The following SRPX variants were observed in gnomAD, a reference collection of about 807,000 sequenced individuals.
SRPX encodes sushi repeat containing protein X-linked.
In SRPX, 24 loss-of-function variants were observed where a neutral mutation model predicts 38.1. That is an observed-to-expected ratio of 0.63 (90% CI 0.46 to 0.89). The LOEUF is 0.89. SRPX is among the 40% of genes least tolerant of loss of function. The probability of loss-of-function intolerance (pLI) is 0.00; values close to 1 mark genes in which losing one functional copy is unlikely to be tolerated. For synonymous variants in SRPX, 184 were observed against 153.8 expected (o/e 1.20, Z -1.45); for missense variants, 416 against 377.8 (o/e 1.10, Z -0.84).
chrX:38,170,776 A>G (rs929381327), intron 4 of SRPX, among the ~76,000 whole-genome samples: 1 of 112,132 alleles, frequency 8.9e-6, no homozygotes, highest in African/African-American at 3.2e-5. Flanking sequence ...TTTAAACAGT[A>G]TGATCCCTAG....
chrX:38,171,029 CA>C (rs58720100), intron 4 of SRPX, among the ~76,000 whole-genome samples: 1 of 108,267 alleles, frequency 9.2e-6, no homozygotes, highest in African/African-American at 3.4e-5. Flanking sequence ...ATCCTGCAAA[CA>C]AAAAAAACAG....
At chrX:38,160,901 G>T in intron 6 of SRPX, 32 bp downstream of exon 6, 1 of 1,201,027 alleles carries the variant, frequency 8.3e-7, no homozygotes, top group African/African-American at 1.7e-5. Context: ...CTAAAGAGAG[G>T]GGGAAACAAA....
At chrX:38,171,408 C>G (rs1399175639) in intron 4 of SRPX, among the ~76,000 whole-genome samples, 1 of 111,639 alleles carries the variant, frequency 9.0e-6, no homozygotes, top group Non-Finnish European at 1.9e-5. Context: ...ACCATGGGAA[C>G]CACTCACTGC....
chrX:38,177,158 T>C (rs1938580433), intron 2 of SRPX, among the ~76,000 whole-genome samples: 1 of 111,867 alleles, frequency 8.9e-6, no homozygotes, highest in African/African-American at 3.2e-5. Context: ...TCTAAACCCA[T>C]AAATAGTTAA....
chrX:38,164,806 G>C lies in SRPX; in HGVS notation c.616C>G (p.Pro206Ala). 3.3e-6 allele frequency: 4 copies of C among 1,210,497 alleles called. No individual in the cohort carries two copies. The highest frequency in any genetic ancestry group is 4.5e-6 in the Non-Finnish European group (4 of 894,686). Residue 206 changes from proline (P) to alanine (A), a missense_variant, in exon 5 of 10, where the codon CCC becomes GCC. Physicochemically the swap from Pro to Ala is conservative, Grantham distance 27. Coordinates refer to ENST00000378533, the MANE Select transcript of SRPX (RefSeq NM_006307.5). ...CCATCTGCTGTGTCTCTTCCTTCGG[G>C]TGTCTCCCAGGACACCCGGACTGTC... ...KLTVRVSWET[P>A]EGRDTADGIL...
chrX:38,217,661 A>G, intron 1 of SRPX, among the ~76,000 whole-genome samples: 1 of 112,280 alleles, frequency 8.9e-6, no homozygotes, highest in Middle Eastern at 4.6e-3. Context: ...TTAAAAGACC[A>G]TTATCTAAAG....
intron 1 of SRPX, among the ~76,000 whole-genome samples, chrX:38,188,046 G>C (rs374122046): frequency 3.6e-5 from 4 of 111,671 alleles, no homozygotes; most frequent in South Asian, 7.5e-4. Flanking sequence ...CAAGTACACA[G>C]AGAACCAGGA....
At chrX:38,185,181 GAAAA>G (rs1190115351) in intron 1 of SRPX, among the ~76,000 whole-genome samples, 1 of 111,697 alleles carries the variant, frequency 9.0e-6, no homozygotes, top group Non-Finnish European at 1.9e-5. Context: ...AAATGTTGGA[GAAAA>G]AAGAGAAAAA....
At chrX:38,179,777 C>T (rs745801951) in intron 1 of SRPX, among the ~76,000 whole-genome samples, 22 of 111,530 alleles carry the variant, frequency 2.0e-4, no homozygotes, top group African/African-American at 6.5e-4. Flanking sequence ...CAGATGTGTA[C>T]AAAATTACAA....
chrX:38,159,407 C>T (rs932188683), intron 7 of SRPX, among the ~76,000 whole-genome samples: 25 of 112,754 alleles, frequency 2.2e-4, no homozygotes, highest in African/African-American at 7.4e-4. Context: ...GAGATACATA[C>T]ATAATTTTCT....
intron 1 of SRPX, among the ~76,000 whole-genome samples, chrX:38,189,236 C>A (rs1161027440): frequency 8.9e-6 from 1 of 111,872 alleles, no homozygotes; most frequent in Non-Finnish European, 1.9e-5. Context: ...TACCTGTTTT[C>A]AAATTATGTT....
At chrX:38,198,314 C>T (rs2147116807) in intron 1 of SRPX, among the ~76,000 whole-genome samples, 1 of 111,922 alleles carries the variant, frequency 8.9e-6, no homozygotes, top group Admixed American at 9.4e-5. Context: ...TGCCTTTTCC[C>T]CTGCTGTAAA....
chrX:38,150,512 C>G (rs968682385), intron 9 of SRPX, among the ~76,000 whole-genome samples: 1 of 112,069 alleles, frequency 8.9e-6, no homozygotes, highest in Admixed American at 9.5e-5. Flanking sequence ...GCCAGGAATG[C>G]TGCTAAACAT....
intron 1 of SRPX, among the ~76,000 whole-genome samples, chrX:38,202,833 A>G (rs1939136707): frequency 8.9e-6 from 1 of 112,423 alleles, no homozygotes; most frequent in African/African-American, 3.2e-5. Context: ...CAGTGATTTC[A>G]CTGGTGAATT....
intron 1 of SRPX, among the ~76,000 whole-genome samples, chrX:38,206,185 C>T (rs1040931063): frequency 3.6e-5 from 4 of 112,264 alleles, no homozygotes; most frequent in African/African-American, 1.3e-4. Context: ...AAGAGCTAAA[C>T]TATGCAGACT....
At chrX:38,212,232 A>C (rs1309185586) in intron 1 of SRPX, among the ~76,000 whole-genome samples, 2 of 112,157 alleles carry the variant, frequency 1.8e-5, no homozygotes, top group Non-Finnish European at 3.8e-5. Context: ...AAAGGAGATG[A>C]AGCCAAGGGA....
chrX:38,176,733 C>T (rs959642162), intron 2 of SRPX, among the ~76,000 whole-genome samples: 17 of 111,889 alleles, frequency 1.5e-4, no homozygotes, highest in African/African-American at 5.5e-4. Flanking sequence ...GCGGATGTTA[C>T]AGTGAGCCAA....
chrX:38,151,510 G>T (rs1167857958), intron 9 of SRPX, among the ~76,000 whole-genome samples: 1 of 110,985 alleles, frequency 9.0e-6, no homozygotes, highest in Admixed American at 9.6e-5. Flanking sequence ...ACTAGGATGG[G>T]AACCCCCACC....
At chrX:38,173,742 G>A (rs979100944) in intron 3 of SRPX, among the ~76,000 whole-genome samples, 8 of 111,764 alleles carry the variant, frequency 7.2e-5, no homozygotes, top group African/African-American at 2.6e-4. Context: ...GAGCCACTGC[G>A]CCCAGCCAGG....
Sources: allele counts gnomAD v4.1 joint callset (sites outside exome capture counted in the v4.1 genomes callset), GRCh38; gene constraint gnomAD v4.1.1; transcripts MANE v1.5; gene names NCBI Gene and HGNC (gene_info 2026-07-23, HGNC 2026-07-21).